BANP: variants seen among roughly 807,000 people sequenced by gnomAD.
BANP encodes BTG3 associated nuclear protein.
In BANP, 11 loss-of-function variants were observed where a neutral mutation model predicts 68.1. That is an observed-to-expected ratio of 0.16 (90% confidence interval 0.10 to 0.27). The LOEUF is 0.27. Ranked by LOEUF, BANP falls within the 10% of genes least tolerant of loss-of-function variation. The pLI, the probability that BANP is intolerant of heterozygous loss-of-function variation, is 1.00. For missense variants in BANP, 504 were observed against 722.7 expected, an observed-to-expected ratio of 0.70 and a Z score of 3.47; for synonymous variants, 329 against 303.2, an observed-to-expected ratio of 1.09 and a Z score of -0.88.
At chr16:87,997,471 C>T (rs1055803279) in intron 4 of BANP, among the ~76,000 whole-genome samples, 1 of 152,250 alleles carries the variant, frequency 6.6e-6, no homozygotes, top group African/African-American at 2.4e-5. Flanking sequence ...GCATCAGTGT[C>T]TTCATGGTAA....
intron 13 of BANP, among the ~76,000 whole-genome samples, chr16:88,075,811 A>G (rs2091488955): frequency 1.3e-5 from 2 of 149,292 alleles, no homozygotes; most frequent in South Asian, 2.1e-4. Context: ...CATTGGTGCA[A>G]TCTCGACTCA....
Position 88,018,936 on chromosome 16 carries a change from C to T in BANP, c.895+269C>T, listed in dbSNP as rs2075231390. 6.6e-6 allele frequency among the ~76,000 whole-genome samples: 1 copy of T among 152,212 alleles called. No individual in the cohort carries two copies. The highest frequency in any genetic ancestry group is 2.4e-5 in the African/African-American group (1 of 41,456). ...CTGTGTACCCTTAGAAGGTGAAAAA[C>T]TCCTCGCCTCCTGTCTGTAGGCCAC... On this transcript the variant is annotated intron_variant, in intron 7 of 13. Transcript: ENST00000682872. This position sits in a 1 kb window ranked among gnomAD's most constrained non-coding sequence, Gnocchi z 7.7.
At position 88,036,929 on chromosome 16, in the gene BANP, G is replaced by A. The variant is rs1470933291; in HGVS notation, c.1273-1044G>A. ...AGGTGCAGGAGTTGGGGGCCTGAGTGGCTGCGAGGTGCAGGATCCCAGCAG... is the reference window on the plus strand; with the variant it reads ...AGGTGCAGGAGTTGGGGGCCTGAGTAGCTGCGAGGTGCAGGATCCCAGCAG... On this transcript the variant is annotated intron_variant, in intron 10 of 13. Transcript: ENST00000682872. The surrounding 1 kb of genome is among the most constrained non-coding windows in gnomAD (Gnocchi z 4.2). Among the ~76,000 whole-genome samples the A allele has an allele frequency of 6.6e-6, 1 of 152,156 alleles. No homozygotes were observed. The highest frequency in any genetic ancestry group is 2.4e-5 in the African/African-American group (1 of 41,436).
chr16:88,026,970 A>T (rs1274676176), intron 7 of BANP, among the ~76,000 whole-genome samples: 1 of 152,252 alleles, frequency 6.6e-6, no homozygotes, highest in Non-Finnish European at 1.5e-5. Flanking sequence ...CGGGAGGGCC[A>T]GGTGGTTATC....
intron 6 of BANP, among the ~76,000 whole-genome samples, chr16:88,011,084 G>A (rs1281358337): frequency 3.3e-5 from 5 of 152,230 alleles, no homozygotes; most frequent in Non-Finnish European, 5.9e-5. Context: ...AGACAGCAGC[G>A]TGAGAACAGT....
intron 11 of BANP, among the ~76,000 whole-genome samples, chr16:88,054,774 A>G (rs764615076): frequency 6.6e-5 from 10 of 152,206 alleles, no homozygotes; most frequent in Non-Finnish European, 1.3e-4. Flanking sequence ...TTCTGTCCTT[A>G]CTATGTAGGC....
intron 1 of BANP, among the ~76,000 whole-genome samples, 191 bp downstream of exon 1, chr16:87,951,706 G>A (rs2056906683): frequency 6.7e-6 from 1 of 149,824 alleles, no homozygotes; most frequent in African/African-American, 2.4e-5. Flanking sequence ...GCCGCGCCCC[G>A]GAAGAGGGGC....
chr16:87,992,145 T>C (rs1216124961), intron 4 of BANP, among the ~76,000 whole-genome samples: 1 of 152,224 alleles, frequency 6.6e-6, no homozygotes, highest in Non-Finnish European at 1.5e-5. Flanking sequence ...CTTGATTCTT[T>C]TGTTAAAGTG....
chr16:88,062,113 CA>C (rs781189676), intron 11 of BANP, among the ~76,000 whole-genome samples: 10 of 152,226 alleles, frequency 6.6e-5, no homozygotes, highest in Non-Finnish European at 1.2e-4. Flanking sequence ...TTTTCCAGCA[CA>C]CCTGTGGATT....
chr16:87,993,591 GTTTTT>G (rs371442198), intron 4 of BANP, among the ~76,000 whole-genome samples: 2 of 143,516 alleles, frequency 1.4e-5, no homozygotes, highest in Non-Finnish European at 3.0e-5. Context: ...ATCATTAGTG[GTTTTT>G]TTTTTTCCCT....
intron 9 of BANP, among the ~76,000 whole-genome samples, chr16:88,034,168 C>A (rs546564681): frequency 3.9e-5 from 6 of 152,144 alleles, no homozygotes; most frequent in Non-Finnish European, 7.3e-5. Context: ...TTAGAGGGGG[C>A]GTTACCCTTC....
intron 12 of BANP, among the ~76,000 whole-genome samples, chr16:88,068,029 G>C (rs1378465196): frequency 2.6e-5 from 4 of 152,194 alleles, no homozygotes; most frequent in Non-Finnish European, 4.4e-5. Context: ...CGTGTGTGAT[G>C]AGGAGGTGCT....
intron 13 of BANP, among the ~76,000 whole-genome samples, chr16:88,075,746 C>CTTTTTT (rs34974822): frequency 1.7e-5 from 2 of 120,918 alleles, no homozygotes; most frequent in Admixed American, 9.1e-5. Flanking sequence ...TTTTCCTTTA[C>CTTTTTT]TTTTTTTTTT....
chr16:87,967,579 C>A (rs1021584162), intron 1 of BANP, among the ~76,000 whole-genome samples: 4 of 151,304 alleles, frequency 2.6e-5, no homozygotes, highest in African/African-American at 9.7e-5. Context: ...CCTTGGCCTC[C>A]CAAGTAGCTG....
chr16:87,993,366 G>A (rs1277111650), intron 4 of BANP, among the ~76,000 whole-genome samples: 3 of 152,148 alleles, frequency 2.0e-5, no homozygotes, highest in Non-Finnish European at 2.9e-5. Flanking sequence ...CAGTCTACCC[G>A]GGAGCCTTGT....
intron 1 of BANP, among the ~76,000 whole-genome samples, chr16:87,953,685 C>T (rs1319311842): frequency 1.3e-5 from 2 of 152,170 alleles, no homozygotes; most frequent in Non-Finnish European, 2.9e-5. Flanking sequence ...TTCTGTTAGT[C>T]ATGGCTTTTC....
chr16:87,977,147 G>A (rs2062308115), intron 2 of BANP, among the ~76,000 whole-genome samples: 1 of 152,214 alleles, frequency 6.6e-6, no homozygotes, highest in Non-Finnish European at 1.5e-5. Context: ...AGGCATGGTG[G>A]CTCATGCCTG....
chr16:88,051,233 G>T (rs985241149), intron 11 of BANP, among the ~76,000 whole-genome samples: 1 of 152,212 alleles, frequency 6.6e-6, no homozygotes, highest in East Asian at 1.9e-4. Flanking sequence ...GAACCTCTGT[G>T]GAAACTGTGC....
intron 12 of BANP, among the ~76,000 whole-genome samples, chr16:88,065,987 C>T (rs913734608): frequency 2.6e-5 from 4 of 152,140 alleles, no homozygotes; most frequent in African/African-American, 9.7e-5. Context: ...GATGGGAGCA[C>T]GGGAGAGGGT....
Sources: allele counts gnomAD v4.1 joint callset (sites outside exome capture counted in the v4.1 genomes callset), GRCh38; gene constraint gnomAD v4.1.1; non-coding constraint Gnocchi (gnomAD v3.1); transcripts MANE v1.5; gene names NCBI Gene and HGNC (gene_info 2026-07-23, HGNC 2026-07-21).